Variants in DHDDS observed in about 807,000 individuals in gnomAD.
DHDDS encodes the protein dehydrodolichyl diphosphate synthase subunit.
DHDDS carries 16 observed loss-of-function variants against 46.2 expected under a neutral mutation model. The ratio of observed to expected loss-of-function variants is 0.35; its 90% CI spans 0.23 to 0.53. DHDDS has a LOEUF of 0.53. Among genes scored for constraint, DHDDS ranks in the 20% least tolerant of loss-of-function variants. The pLI is 0.94. For synonymous variants in DHDDS, 151 were observed against 163.1 expected (o/e 0.93, Z 0.56); for missense variants, 340 against 423.7 (o/e 0.80, Z 1.73).
intron 6 of DHDDS, chr1:26,455,265 G>C: frequency 1.7e-6 from 1 of 595,798 alleles, no homozygotes; most frequent in Non-Finnish European, 3.0e-6. Context: ...GAAATTATAT[G>C]GATTGTACAG....
intron 2 of DHDDS, among the ~76,000 whole-genome samples, chr1:26,436,879 C>T (rs915940016): frequency 7.2e-5 from 11 of 152,030 alleles, no homozygotes; most frequent in African/African-American, 2.2e-4. Flanking sequence ...TCTTCTTAAC[C>T]GCGTGACTGG....
At chr1:26,466,633 T>C (rs535231975) in intron 8 of DHDDS, among the ~76,000 whole-genome samples, 2 of 152,338 alleles carry the variant, frequency 1.3e-5, no homozygotes, top group South Asian at 2.1e-4. Flanking sequence ...ATTGCTGGCA[T>C]GCACTCTGAT....
intron 4 of DHDDS, among the ~76,000 whole-genome samples, chr1:26,443,896 C>T (rs1490343077): frequency 6.6e-6 from 1 of 152,216 alleles, no homozygotes; most frequent in African/African-American, 2.4e-5. Context: ...TATATTCTTA[C>T]TCATCCTGTA....
chr1:26,445,343 A>G lies in DHDDS; in HGVS notation c.324-973A>G, dbSNP rs551215961. ...CTTGAGGAGTTTACTCACTTCTCAA[A>G]TGGGACAAACTTCACAGATACATAA... On this transcript the variant is annotated intron_variant, in intron 4 of 8. Transcript: ENST00000236342. Among the ~76,000 whole-genome samples the G allele has an allele frequency of 3.3e-5, 5 of 152,334 alleles. No individual in the cohort carries two copies. In the East Asian group the frequency reaches 9.6e-4, roughly 29 times the overall value.
At chr1:26,453,163 TAATG>T (rs2075337945) in intron 6 of DHDDS, among the ~76,000 whole-genome samples, 1 of 151,928 alleles carries the variant, frequency 6.6e-6, no homozygotes, top group African/African-American at 2.4e-5. Context: ...TGAAATCACA[TAATG>T]AATAGTTTAC....
chr1:26,460,165 G>A, intron 8 of DHDDS, 21 bp downstream of exon 8: 2 of 1,570,270 alleles, frequency 1.3e-6, no homozygotes, highest in South Asian at 1.1e-5. Flanking sequence ...GTTCAGGGCT[G>A]GCCAGATGGG....
intron 8 of DHDDS, among the ~76,000 whole-genome samples, chr1:26,464,490 G>A (rs916158576): frequency 6.6e-6 from 1 of 152,174 alleles, no homozygotes; most frequent in Non-Finnish European, 1.5e-5. Context: ...GCCTTCTCCA[G>A]CAGGAGCCCT....
chr1:26,446,709 G>T (rs74061165), intron 5 of DHDDS, among the ~76,000 whole-genome samples: 31 of 147,256 alleles, frequency 2.1e-4, no homozygotes, highest in African/African-American at 5.4e-4. Flanking sequence ...TGTGTGTGTG[G>T]GTGTGTTTTT....
In DHDDS at chr1:26,463,182, G is replaced by A. The variant is rs535101993; in HGVS notation, c.765+3038G>A. Among the ~76,000 whole-genome samples, 590 of 152,290 alleles carry A rather than the reference G, an allele frequency of 3.9e-3. 1 individual carries two copies. Among genetic ancestry groups the A allele is most frequent in the Admixed American group, 6.6e-3 (101 of 15,282 alleles). On this transcript the variant is annotated intron_variant, in intron 8 of 8. Transcript: ENST00000236342. ...AATCATTCAGAATTTTCAACGGGCT[G>A]GAGTTAAAGCCAAGAGACAGAACTC... is the stretch of plus-strand genomic sequence containing the variant.
chr1:26,467,671 T>C (rs1428627164), intron 8 of DHDDS: 2 of 222,256 alleles, frequency 9.0e-6, no homozygotes, highest in Non-Finnish European at 1.9e-5. Flanking sequence ...TCAAGGTGCT[T>C]ACAGGCTGAT....
chr1:26,469,025 T>C lies in DHDDS; in HGVS notation c.896T>C (p.Leu299Ser). 6.2e-7 allele frequency: 1 copy of C among 1,614,112 alleles called. No individual in the cohort carries two copies. The highest frequency in any genetic ancestry group is 8.5e-7 in the Non-Finnish European group (1 of 1,180,034). Residue 299 changes from leucine to serine, a missense_variant, in exon 9 of 9, where the codon TTG becomes TCG. Transcript: ENST00000236342. Reference protein sequence around the residue: ...SGDAQLRRTRLHKLSARREER... With the variant: ...SGDAQLRRTRSHKLSARREER... The stretch of plus-strand genomic sequence containing the variant: ...GACGCCCAGCTCCGAAGGACACGCT[T>C]GCACAAACTCTCGGCCAGACGGGAA...
At chr1:26,449,102 TTTTA>T (rs1416544499) in intron 6 of DHDDS, among the ~76,000 whole-genome samples, 1 of 151,876 alleles carries the variant, frequency 6.6e-6, no homozygotes, top group Non-Finnish European at 1.5e-5. Context: ...TTATTTTTTA[TTTTA>T]TTTATTTTTT....
At chr1:26,436,891 C>T (rs558719841) in intron 2 of DHDDS, among the ~76,000 whole-genome samples, 1 of 152,056 alleles carries the variant, frequency 6.6e-6, no homozygotes, top group Non-Finnish European at 1.5e-5. Context: ...CGTGACTGGG[C>T]CGGGCGTGCT....
intron 8 of DHDDS, chr1:26,467,547 C>G (rs1010558914): frequency 1.8e-5 from 6 of 325,064 alleles, no homozygotes; most frequent in African/African-American, 1.3e-4. Flanking sequence ...TGCTCCATGT[C>G]TGTCTCCAGC....
intron 8 of DHDDS, among the ~76,000 whole-genome samples, chr1:26,465,434 C>T (rs1371181873): frequency 6.6e-6 from 1 of 152,174 alleles, no homozygotes; most frequent in Non-Finnish European, 1.5e-5. Context: ...TCAAGCGAGC[C>T]TCCCACCTTA....
At chr1:26,458,967 GA>G (rs201663444) in intron 7 of DHDDS, among the ~76,000 whole-genome samples, 3,776 of 152,242 alleles carry the variant, frequency 0.025, 83 homozygotes, top group Non-Finnish European at 0.035. Flanking sequence ...AAAAAATGAG[GA>G]AAGGATAGTG....
chr1:26,443,057 T>TTTTTTA (rs79901596), intron 4 of DHDDS, 184 bp downstream of exon 4: 36 of 1,167,012 alleles, frequency 3.1e-5, no homozygotes, highest in East Asian at 2.7e-4. Flanking sequence ...TCTAACTTTT[T>TTTTTTA]AATAAAAAAG....
intron 4 of DHDDS, among the ~76,000 whole-genome samples, chr1:26,445,019 TATA>T (rs1357031896): frequency 2.0e-5 from 3 of 152,148 alleles, no homozygotes; most frequent in Non-Finnish European, 2.9e-5. Context: ...ATGGAAGCAA[TATA>T]ATGTCATAAT....
chr1:26,448,314 C>G (rs2124438068), intron 6 of DHDDS: 1 of 153,264 alleles, frequency 6.5e-6, no homozygotes, highest in East Asian at 1.9e-4. Flanking sequence ...GCTGGGACTA[C>G]AGGTGCATGC....
Sources: allele counts gnomAD v4.1 joint callset (sites outside exome capture counted in the v4.1 genomes callset), GRCh38; gene constraint gnomAD v4.1.1; transcripts MANE v1.5; gene names NCBI Gene and HGNC (gene_info 2026-07-23, HGNC 2026-07-21).